Variants in CHSY1 observed in about 807,000 individuals in gnomAD.
CHSY1 encodes the protein N-acetylgalactosaminyl-proteoglycan 3-beta-glucuronosyltransferase 1.
A neutral mutation model predicts 59.8 loss-of-function variants in CHSY1; 13 were observed. That is an observed-to-expected ratio of 0.22 (90% CI 0.14 to 0.35). CHSY1 has a LOEUF of 0.35. Among genes scored for constraint, CHSY1 ranks in the 10% least tolerant of loss-of-function variants. The pLI is 1.00. For synonymous variants in CHSY1, 459 were observed against 401.2 expected (o/e 1.14, Z -1.72); for missense variants, 947 against 1,030.6 (o/e 0.92, Z 1.11).
intron 1 of CHSY1, among the ~76,000 whole-genome samples, chr15:101,244,518 G>A (rs1350533912): frequency 6.6e-6 from 1 of 152,194 alleles, no homozygotes. Context: ...ACATCTTTTT[G>A]TGGTTTTACT....
chr15:101,250,746 G>A (rs2039099127), intron 1 of CHSY1, among the ~76,000 whole-genome samples: 3 of 152,198 alleles, frequency 2.0e-5, no homozygotes, highest in African/African-American at 7.2e-5. Flanking sequence ...CACATTTTAG[G>A]GAATCCAGTA....
intron 1 of CHSY1, among the ~76,000 whole-genome samples, chr15:101,250,099 G>A (rs145481115): frequency 5.3e-4 from 81 of 152,284 alleles, no homozygotes; most frequent in African/African-American, 1.9e-3. Context: ...GAAGTGTAAA[G>A]GTATTGGTTA....
At position 101,251,240 on chromosome 15, in the gene CHSY1, G is replaced by T. The variant is rs764996609; in HGVS notation, c.217C>A (p.Pro73Thr). The change falls in exon 1 of 3, where the codon CCC (proline) becomes ACC (threonine). Residue 73 changes from proline to threonine, a missense_variant. This residue lies in a region of CHSY1 where 232 missense variants were observed against 188.5 expected (regional missense o/e 1.23). Transcript: ENST00000254190. ...GGGCCGCCATCTGGGTCCGAGCCGG[G>T]CGGCCAGAGCTGCGCCCCGCGCGCA... ...GDARGAQLWP[P>T]GSDPDGGPRD... 4 of 1,561,504 alleles carry T rather than the reference G, an allele frequency of 2.6e-6. No homozygotes were observed. Among genetic ancestry groups the T allele is most frequent in the South Asian group, 1.2e-5 (1 of 86,692 alleles).
rs1247138169 is a variant in CHSY1, at chr15:101,239,382, GAAC to G, written c.321-3808_321-3806del. Among the ~76,000 whole-genome samples, 8 of 152,342 alleles carry G rather than the reference GAAC, an allele frequency of 5.3e-5. No homozygotes were observed. In the East Asian group the frequency reaches 1.5e-3, roughly 29 times the overall value. On this transcript the variant is annotated intron_variant, in intron 1 of 2. Transcript: ENST00000254190. ...GGGCGAGACAATTCCTGCCTTCAAAGAACAACCAACTAAGGAGGCGAATCTACA... is the reference window on the plus strand; with the variant it reads ...GGGCGAGACAATTCCTGCCTTCAAAGAACCAACTAAGGAGGCGAATCTACA...
intron 2 of CHSY1, among the ~76,000 whole-genome samples, chr15:101,188,709 A>G (rs2038404141): frequency 6.6e-6 from 1 of 152,240 alleles, no homozygotes; most frequent in Non-Finnish European, 1.5e-5. Context: ...AATTAAGCTT[A>G]GCAAAGTAAA....
rs548438498 is a variant in CHSY1 at position 101,204,657 on chromosome 15, A to G, written c.817-25677T>C. ...GGTGGCTCACACCTGTAATCCCAGC[A>G]CTTTGGGAGGCCAAGGTAGGCAGAT... On this transcript the variant is annotated intron_variant, in intron 2 of 2. Transcript: ENST00000254190. Among the ~76,000 whole-genome samples the G allele has an allele frequency of 2.7e-3, 404 of 151,906 alleles. 3 individuals are homozygous for G. Among genetic ancestry groups the G allele is most frequent in the African/African-American group, 9.1e-3 (379 of 41,450 alleles).
intron 2 of CHSY1, among the ~76,000 whole-genome samples, chr15:101,192,068 G>A (rs914677337): frequency 2.0e-5 from 3 of 152,038 alleles, no homozygotes. Context: ...TATACAAAAA[G>A]AAGAGAGAAA....
At chr15:101,225,825 A>T (rs1223526012) in intron 2 of CHSY1, among the ~76,000 whole-genome samples, 1 of 152,196 alleles carries the variant, frequency 6.6e-6, no homozygotes, top group Non-Finnish European at 1.5e-5. Context: ...CTATTATGGG[A>T]ATTGAGGTGA....
intron 2 of CHSY1, among the ~76,000 whole-genome samples, chr15:101,183,333 C>A (rs1448608624): frequency 1.3e-5 from 2 of 152,100 alleles, no homozygotes; most frequent in African/African-American, 2.4e-5. Flanking sequence ...CAGGAAAAAG[C>A]AATCTAAAAA....
chr15:101,223,569 G>T (rs9672452), intron 2 of CHSY1, among the ~76,000 whole-genome samples: 9 of 149,530 alleles, frequency 6.0e-5, no homozygotes, highest in African/African-American at 2.2e-4. Context: ...TACTACAGAG[G>T]ACTTCCACAC....
chr15:101,206,473 G>A (rs1479334833), intron 2 of CHSY1, among the ~76,000 whole-genome samples: 2 of 152,140 alleles, frequency 1.3e-5, no homozygotes, highest in African/African-American at 2.4e-5. Flanking sequence ...GGGCTCTGAA[G>A]GCGGTGACGT....
intron 2 of CHSY1, chr15:101,186,734 C>T (rs1478687137): frequency 6.6e-6 from 1 of 151,764 alleles, no homozygotes; most frequent in Non-Finnish European, 1.5e-5. Flanking sequence ...CCTGGGAGGT[C>T]GAGGCTGCAG....
chr15:101,229,490 G>C lies in CHSY1; in HGVS notation c.816+5592C>G, dbSNP rs1280720773. Among the ~76,000 whole-genome samples the C allele has an allele frequency of 2.6e-5, 4 of 152,154 alleles. No homozygotes were observed. The East Asian group carries it at 5.8e-4, about 22-fold the overall frequency. ...AAGAAGGAATTTTATAATGATAAAA[G>C]TGTCTATCCATCAAACAGGTATAAC... On this transcript the variant is annotated intron_variant, in intron 2 of 2. Coordinates refer to ENST00000254190, the MANE Select transcript of CHSY1 (RefSeq NM_014918.5).
chr15:101,215,315 C>T (rs1567098604), intron 2 of CHSY1, among the ~76,000 whole-genome samples: 1 of 152,058 alleles, frequency 6.6e-6, no homozygotes, highest in Non-Finnish European at 1.5e-5. Flanking sequence ...CAGTATGAGC[C>T]TACATCATCA....
intron 1 of CHSY1, among the ~76,000 whole-genome samples, chr15:101,247,033 G>A (rs2039058892): frequency 6.6e-6 from 1 of 152,218 alleles, no homozygotes; most frequent in Non-Finnish European, 1.5e-5. Context: ...CACACTTGCA[G>A]ATGAGTCAAA....
intron 1 of CHSY1, among the ~76,000 whole-genome samples, chr15:101,245,115 C>A (rs1190701907): frequency 6.6e-6 from 1 of 152,214 alleles, no homozygotes; most frequent in Non-Finnish European, 1.5e-5. Flanking sequence ...TTCCAAAACA[C>A]ACATCCCATC....
At chr15:101,227,404 C>T (rs1157042904) in intron 2 of CHSY1, among the ~76,000 whole-genome samples, 1 of 152,172 alleles carries the variant, frequency 6.6e-6, no homozygotes, top group African/African-American at 2.4e-5. Flanking sequence ...TGGTCAAAAA[C>T]AATCACAGGC....
At chr15:101,236,520 C>T (rs999604884) in intron 1 of CHSY1, among the ~76,000 whole-genome samples, 4 of 152,180 alleles carry the variant, frequency 2.6e-5, no homozygotes, top group Non-Finnish European at 5.9e-5. Context: ...AACTGTGAGT[C>T]CATTAAACCT....
chr15:101,223,345 CA>C (rs1200295058), intron 2 of CHSY1, among the ~76,000 whole-genome samples: 2 of 152,234 alleles, frequency 1.3e-5, no homozygotes, highest in African/African-American at 4.8e-5. Flanking sequence ...AGTTACAGTT[CA>C]TGGCAACTAA....
Sources: allele counts gnomAD v4.1 joint callset (sites outside exome capture counted in the v4.1 genomes callset), GRCh38; gene constraint gnomAD v4.1.1; regional missense constraint gnomAD v4.1.1; transcripts MANE v1.5; gene names NCBI Gene and HGNC (gene_info 2026-07-23, HGNC 2026-07-21).